The following GAK variants were observed in gnomAD, a reference collection of about 807,000 sequenced individuals.
GAK encodes the protein cyclin G associated kinase, also known as cyclin-G-associated kinase.
A neutral mutation model predicts 143.9 loss-of-function variants in GAK; 79 were observed. That is an observed-to-expected ratio of 0.55 (90% CI 0.46 to 0.66). The LOEUF is 0.66. Among genes scored for constraint, GAK ranks in the 30% least tolerant of loss-of-function variants. The pLI is 0.00. For synonymous variants in GAK, 881 were observed against 765.5 expected (o/e 1.15, Z -2.49); for missense variants, 1,693 against 1,779.7 (o/e 0.95, Z 0.88).
intron 1 of GAK, among the ~76,000 whole-genome samples, chr4:919,108 C>T (rs1464004526): frequency 4.0e-5 from 6 of 150,234 alleles, no homozygotes; most frequent in African/African-American, 1.5e-4. Context: ...GCCTCAGCGC[C>T]CCATGACCTT....
intron 1 of GAK, among the ~76,000 whole-genome samples, chr4:928,409 C>G (rs561306470): frequency 2.0e-5 from 3 of 152,182 alleles, no homozygotes; most frequent in African/African-American, 7.2e-5. Context: ...TCATGCCTGT[C>G]GTCCCAGCAC....
At chr4:915,132 G>GCACGGCCCCACACACACAGCCCCAGCGTA (rs1722908727) in intron 1 of GAK, among the ~76,000 whole-genome samples, 1 of 121,790 alleles carries the variant, frequency 8.2e-6, no homozygotes, top group Non-Finnish European at 1.7e-5. Context: ...GCCCCAGCGT[G>GCACGGCCCCACACACACAGCCCCAGCGTA]CACGGCCCCA....
intron 1 of GAK, among the ~76,000 whole-genome samples, chr4:917,631 C>T (rs1031805592): frequency 7.9e-5 from 12 of 152,236 alleles, no homozygotes; most frequent in African/African-American, 2.4e-4. Context: ...GGGATGGGAA[C>T]AGGAAAGCAG....
chr4:914,505 C>CCA (rs201563401), intron 1 of GAK, among the ~76,000 whole-genome samples: 2 of 106,654 alleles, frequency 1.9e-5, no homozygotes, highest in Non-Finnish European at 3.9e-5. Flanking sequence ...GTGCACGGCC[C>CCA]CACACACACA....
chr4:871,454 A>G (rs1712603266), intron 18 of GAK, among the ~76,000 whole-genome samples: 1 of 152,216 alleles, frequency 6.6e-6, no homozygotes, highest in Non-Finnish European at 1.5e-5. Context: ...CCGCCCTGAC[A>G]AAAATCCACA....
At chr4:921,142 A>G (rs900024042) in intron 1 of GAK, among the ~76,000 whole-genome samples, 4 of 151,720 alleles carry the variant, frequency 2.6e-5, no homozygotes, top group Non-Finnish European at 4.4e-5. Flanking sequence ...TCGCTCTGTC[A>G]CCCAGGCTGG....
chr4:903,098 C>T (rs565851544), intron 5 of GAK, among the ~76,000 whole-genome samples: 202 of 150,282 alleles, frequency 1.3e-3, no homozygotes, highest in African/African-American at 4.7e-3. Flanking sequence ...CGCGCAGTGC[C>T]GGCAGCAGCA....
Position 852,036 on chromosome 4 carries a change from T to C in GAK, c.3284-62A>G, listed in dbSNP as rs1748252645. On this transcript the variant is annotated intron_variant, in intron 24 of 27. Transcript: ENST00000314167. ...GTCCATGAGGGGCAACTACTGTTTC[T>C]ATAACGCAGAGCACCACGTATATTG... is the stretch of plus-strand genomic sequence containing the variant. The C allele has an allele frequency of 6.0e-6, 8 of 1,342,274 alleles. No individual in the cohort carries two copies. The African/African-American group carries it at 7.2e-5, about 12-fold the overall frequency. 83.1% of individuals were successfully genotyped at this position (1,342,274 alleles called of 1,614,324 possible).
chr4:873,976 C>T (rs944493715), intron 18 of GAK, among the ~76,000 whole-genome samples: 5 of 152,172 alleles, frequency 3.3e-5, no homozygotes, highest in African/African-American at 7.2e-5. Context: ...TTTATCTCTA[C>T]GTTGTTCTGG....
chr4:915,189 TACACG>T, intron 1 of GAK, among the ~76,000 whole-genome samples: 1 of 145,242 alleles, frequency 6.9e-6, no homozygotes, highest in Non-Finnish European at 1.5e-5. Flanking sequence ...AGCCCCAGCA[TACACG>T]GCCCCGTGCA....
chr4:896,672 C>T, intron 6 of GAK, 123 bp from the exon 7 acceptor site: 1 of 761,326 alleles, frequency 1.3e-6, no homozygotes, highest in Non-Finnish European at 2.3e-6. Flanking sequence ...GTCCCGCACA[C>T]TATGCCCCGG....
At chr4:866,879 G>C in intron 21 of GAK, 77 bp downstream of exon 21, 1 of 1,114,980 alleles carries the variant, frequency 9.0e-7, no homozygotes, top group East Asian at 2.5e-5. Context: ...TTCGAAACAC[G>C]CCCATGCAGT....
At chr4:859,248 C>A (rs140989519) in intron 24 of GAK, 262 of 1,206,118 alleles carry the variant, frequency 2.2e-4, no homozygotes, top group Non-Finnish European at 2.6e-4. Context: ...ACAGCTAGCA[C>A]GCTCCGAGCA....
rs747273014 is a variant in GAK, at chr4:868,583, C to T, written c.2351G>A (p.Ser784Asn). The change falls in exon 20 of 28, where the codon AGC becomes AAC. Residue 784 changes from serine to asparagine, a missense_variant. By Grantham distance (46) the Ser-to-Asn change is conservative. Transcript: ENST00000314167. ...EPTDSDSPPSSSADASRFLHT... is the reference protein window; with the variant it reads ...EPTDSDSPPSNSADASRFLHT... ...CAGGAAGCGACTGGCGTCCGCGCTG[C>T]TGCTTGGCGGTGAGTCAGAGTCTGT... is the stretch of plus-strand genomic sequence containing the variant. 5 of 1,605,442 alleles carry T rather than the reference C, an allele frequency of 3.1e-6. No individual in the cohort carries two copies. Among genetic ancestry groups the T allele is most frequent in the Non-Finnish European group, 3.4e-6 (4 of 1,176,412 alleles).
Position 877,625 on chromosome 4 carries a change from C to T in GAK, c.1846G>A (p.Asp616Asn), listed in dbSNP as rs966861950. 11 of 1,585,738 alleles carry T rather than the reference C, an allele frequency of 6.9e-6. No homozygotes were observed. In the African/African-American group the frequency reaches 8.1e-5, roughly 12 times the overall value. Reference sequence around the variant, plus strand: ...TGCAGCTGCACTCACCGCATCTTGTCGTACTCCTGGGAGGTGCTGGCCACA... The same window carrying T: ...TGCAGCTGCACTCACCGCATCTTGTTGTACTCCTGGGAGGTGCTGGCCACA... ...ERVASTSQEY[D>N]KMRDFKIEDG... is the part of the protein sequence containing the mutation. The change falls in exon 16 of 28, where the codon GAC (aspartate) becomes AAC (asparagine). Residue 616 changes from aspartate (D) to asparagine (N), a missense_variant. Around this residue, in one of 2 missense-constraint regions of GAK, gnomAD observed 871 missense variants for 991.0 expected, o/e 0.88. Coordinates refer to ENST00000314167, the MANE Select transcript of GAK (RefSeq NM_005255.4).
rs368206833 is a variant in GAK, at chr4:893,409, G to C, written c.958C>G (p.Arg320Gly). ...ATGGGAGACTTGGGGTTCACGTTGCGGGCGGCCGCGATCTCCTGCAGCTGG... is the reference window on the plus strand; with the variant it reads ...ATGGGAGACTTGGGGTTCACGTTGCCGGCGGCCGCGATCTCCTGCAGCTGG... ...VHQLQEIAAARNVNPKSPITE... is the reference protein window; with the variant it reads ...VHQLQEIAAAGNVNPKSPITE... The change falls in exon 9 of 28, where the codon CGC (arginine) becomes GGC (glycine). Residue 320 changes from arginine (R) to glycine (G), a missense_variant. Transcript: ENST00000314167. 6.3e-7 allele frequency: 1 copy of C among 1,588,790 alleles called. No homozygotes were observed. The highest frequency in any genetic ancestry group is 8.6e-7 in the Non-Finnish European group (1 of 1,167,906).
chr4:877,728 G>A lies in GAK; in HGVS notation c.1743C>T (p.Val581=). 1 of 1,613,518 alleles carries A rather than the reference G, an allele frequency of 6.2e-7. No homozygotes were observed. Among genetic ancestry groups the A allele is most frequent in the Non-Finnish European group, 8.5e-7 (1 of 1,179,944 alleles). Residue 581 remains valine, a synonymous_variant, in exon 16 of 28, where the codon GTC becomes GTT. Transcript: ENST00000314167. Reference sequence around the variant, plus strand: ...TGCTGAACAGCGGCACGGGTGTCATGACCACGGCCCTCACCAGGATGGGCT... The same window carrying A: ...TGCTGAACAGCGGCACGGGTGTCATAACCACGGCCCTCACCAGGATGGGCT... The part of the protein sequence containing the change: ...HSKPILVRAV[V]MTPVPLFSKQ...
chr4:917,434 A>G (rs980540833), intron 1 of GAK, among the ~76,000 whole-genome samples: 5 of 152,132 alleles, frequency 3.3e-5, no homozygotes, highest in Non-Finnish European at 5.9e-5. Context: ...ATGCCAAAAA[A>G]AGAGAGTACA....
chr4:893,650 C>G (rs1339780360), intron 8 of GAK, among the ~76,000 whole-genome samples, 161 bp from the exon 9 acceptor site: 1 of 152,184 alleles, frequency 6.6e-6, no homozygotes, highest in African/African-American at 2.4e-5. Flanking sequence ...AAAAACCGAA[C>G]AAAATGATCA....
Sources: gnomAD v4.1 joint callset for allele counts (sites outside exome capture counted in the v4.1 genomes callset) on GRCh38, gnomAD v4.1.1 for gene constraint, gnomAD v4.1.1 regional missense constraint, MANE v1.5 for transcripts, NCBI Gene and HGNC (gene_info 2026-07-23, HGNC 2026-07-21) for gene names.